The following OTUD7A variants were observed in gnomAD, a reference collection of about 807,000 sequenced individuals.
The protein encoded by OTUD7A is OTU deubiquitinase 7A, also known as OTU domain-containing protein 7A.
Under a neutral mutation model 65.7 loss-of-function variants are expected in OTUD7A, and 12 were observed. That is an observed-to-expected ratio of 0.18 (90% CI 0.12 to 0.30). The LOEUF is 0.30. Ranked by LOEUF, OTUD7A falls within the 10% of genes least tolerant of loss-of-function variation. The probability of loss-of-function intolerance (pLI) is 1.00; values close to 1 mark genes in which losing one functional copy is unlikely to be tolerated. For missense variants in OTUD7A, 1,148 were observed against 1,304.8 expected (o/e 0.88, Z 1.85); for synonymous variants, 641 against 586.3 (o/e 1.09, Z -1.35).
intron 1 of OTUD7A, among the ~76,000 whole-genome samples, chr15:31,728,457 A>C (rs1893954075): frequency 1.3e-5 from 2 of 152,144 alleles, no homozygotes; most frequent in Admixed American, 1.3e-4. Context: ...CCTTAATTCT[A>C]CAGTTACAGA....
At chr15:31,699,530 A>G (rs553332906) in intron 1 of OTUD7A, among the ~76,000 whole-genome samples, 2,063 of 152,174 alleles carry the variant, frequency 0.014, 55 homozygotes, top group African/African-American at 0.048. Flanking sequence ...TAGCAATAAT[A>G]TGCTTATGTG....
intron 1 of OTUD7A, among the ~76,000 whole-genome samples, chr15:31,860,677 G>GTGTATATATATATATATATATGTA (rs560896384): frequency 3.1e-4 from 23 of 73,284 alleles, no homozygotes; most frequent in Non-Finnish European, 4.5e-4. Context: ...ATGTATGTGT[G>GTGTATATATATATATATATATGTA]TATATATATA....
intron 1 of OTUD7A, among the ~76,000 whole-genome samples, chr15:31,769,776 G>A (rs925413158): frequency 2.0e-5 from 3 of 152,188 alleles, no homozygotes; most frequent in African/African-American, 7.2e-5. Flanking sequence ...TAGGGGCAGA[G>A]AGCAGATTAG....
At chr15:31,576,413 T>G (rs1359313643) in intron 3 of OTUD7A, among the ~76,000 whole-genome samples, 2 of 152,198 alleles carry the variant, frequency 1.3e-5, no homozygotes, top group African/African-American at 4.8e-5. Flanking sequence ...TCTACCTGCC[T>G]CTCACATGTA....
chr15:31,521,232 T>G (rs28540708), intron 8 of OTUD7A, among the ~76,000 whole-genome samples: 27,787 of 152,132 alleles, frequency 0.18, 3,033 homozygotes, highest in East Asian at 0.37. Context: ...AATATTTGCA[T>G]GTAAGAAACC....
chr15:31,531,150 C>T (rs748685012), intron 5 of OTUD7A, among the ~76,000 whole-genome samples: 4 of 151,964 alleles, frequency 2.6e-5, no homozygotes, highest in Admixed American at 1.3e-4. Flanking sequence ...TTCCTTTCAC[C>T]GTCTTGCTTT....
intron 1 of OTUD7A, among the ~76,000 whole-genome samples, chr15:31,658,856 C>A (rs1288716247): frequency 6.7e-6 from 1 of 149,294 alleles, no homozygotes; most frequent in Non-Finnish European, 1.5e-5. Flanking sequence ...GGTGAAACCC[C>A]GTCTCTACTA....
At chr15:31,828,395 T>C (rs1896851149) in intron 1 of OTUD7A, among the ~76,000 whole-genome samples, 1 of 152,226 alleles carries the variant, frequency 6.6e-6, no homozygotes, top group Non-Finnish European at 1.5e-5. Flanking sequence ...GATGTTTACA[T>C]CGTGTAATGT....
At chr15:31,793,639 CAG>C (rs1355332514) in intron 1 of OTUD7A, among the ~76,000 whole-genome samples, 41 of 152,352 alleles carry the variant, frequency 2.7e-4, no homozygotes, top group African/African-American at 9.6e-4. Flanking sequence ...CTAGAGCCAC[CAG>C]TGGAAGGCTT....
intron 10 of OTUD7A, among the ~76,000 whole-genome samples, chr15:31,499,547 T>C (rs904582473): frequency 1.3e-5 from 2 of 152,250 alleles, no homozygotes; most frequent in African/African-American, 4.8e-5. Flanking sequence ...AGAGCACAGC[T>C]GGGACTCTGT....
chr15:31,770,486 G>A (rs1895205663), intron 1 of OTUD7A, among the ~76,000 whole-genome samples: 1 of 152,164 alleles, frequency 6.6e-6, no homozygotes, highest in African/African-American at 2.4e-5. Flanking sequence ...ATACTACCAA[G>A]GACTTAAAGA....
rs370404965 is a variant in OTUD7A, at chr15:31,703,234, G to A, written c.-99-46157C>T. ...TTACTAGACTTCATACCAAAAGCAT[G>A]ATCCATAAAAGTAAAAATTGATAAA... is the stretch of plus-strand genomic sequence containing the variant. On this transcript the variant is annotated intron_variant, in intron 1 of 12. Coordinates refer to ENST00000307050, the MANE Select transcript of OTUD7A (RefSeq NM_001382637.1). Among the ~76,000 whole-genome samples, 50 of 152,198 alleles carry A rather than the reference G, an allele frequency of 3.3e-4. No homozygotes were observed. In the South Asian group the frequency reaches 9.6e-3, roughly 29 times the overall value.
chr15:31,653,394 T>C (rs1251119893), intron 3 of OTUD7A, among the ~76,000 whole-genome samples: 1 of 152,122 alleles, frequency 6.6e-6, no homozygotes, highest in Non-Finnish European at 1.5e-5. Flanking sequence ...AGTGGAGAAA[T>C]TCTGGAGTAC....
chr15:31,663,661 C>A (rs1892236272), intron 1 of OTUD7A, among the ~76,000 whole-genome samples: 1 of 152,082 alleles, frequency 6.6e-6, no homozygotes, highest in African/African-American at 2.4e-5. Context: ...ATATGTACCA[C>A]ATTTTCTTTA....
At chr15:31,713,337 C>A (rs377585973) in intron 1 of OTUD7A, among the ~76,000 whole-genome samples, 1 of 152,234 alleles carries the variant, frequency 6.6e-6, no homozygotes, top group Non-Finnish European at 1.5e-5. Context: ...TGGTAAAGTA[C>A]GCTGGGCACG....
intron 8 of OTUD7A, among the ~76,000 whole-genome samples, chr15:31,506,803 C>T (rs2041577653): frequency 6.6e-6 from 1 of 152,138 alleles, no homozygotes; most frequent in South Asian, 2.1e-4. Context: ...CAGGGGCTGA[C>T]CCGCACAGTG....
intron 1 of OTUD7A, among the ~76,000 whole-genome samples, chr15:31,750,691 G>A (rs1894609729): frequency 6.6e-6 from 1 of 152,162 alleles, no homozygotes; most frequent in East Asian, 1.9e-4. Context: ...AGAGAGCCCA[G>A]AAGTAAAGCC....
chr15:31,578,437 A>T (rs188926070), intron 3 of OTUD7A, among the ~76,000 whole-genome samples: 1 of 152,268 alleles, frequency 6.6e-6, no homozygotes, highest in Non-Finnish European at 1.5e-5. Context: ...CACAAACCAG[A>T]CATTCCTTTC....
At chr15:31,630,659 G>A (rs566220413) in intron 3 of OTUD7A, among the ~76,000 whole-genome samples, 7 of 152,260 alleles carry the variant, frequency 4.6e-5, no homozygotes, top group South Asian at 2.1e-4. Flanking sequence ...TTTCTGTGTC[G>A]TTGATCTGTC....
Sources: gnomAD v4.1 joint callset for allele counts (sites outside exome capture counted in the v4.1 genomes callset) on GRCh38, gnomAD v4.1.1 for gene constraint, MANE v1.5 for transcripts, NCBI Gene and HGNC (gene_info 2026-07-23, HGNC 2026-07-21) for gene names.